EEFSEC: variants seen among roughly 807,000 people sequenced by gnomAD.
EEFSEC encodes selenocysteine-specific elongation factor.
A neutral mutation model predicts 42.1 loss-of-function variants in EEFSEC; 43 were observed. The ratio of observed to expected loss-of-function variants is 1.02; its 90% confidence interval spans 0.80 to 1.32. EEFSEC has a LOEUF of 1.32. EEFSEC is among the 40% of genes most tolerant of loss of function. The pLI is 0.00. For synonymous variants in EEFSEC, 354 were observed against 339.1 expected (o/e 1.04, Z -0.48); for missense variants, 745 against 803.6 (o/e 0.93, Z 0.88).
At chr3:128,246,275 C>T (rs780785681) in intron 1 of EEFSEC, among the ~76,000 whole-genome samples, 1 of 151,964 alleles carries the variant, frequency 6.6e-6, no homozygotes, top group Non-Finnish European at 1.5e-5. Context: ...CAGTACTTAG[C>T]GATTATGACA....
chr3:128,359,280 T>G (rs899456304), intron 6 of EEFSEC, among the ~76,000 whole-genome samples: 4 of 152,050 alleles, frequency 2.6e-5, no homozygotes, highest in Non-Finnish European at 5.9e-5. Flanking sequence ...TTGGCAAAAG[T>G]GTGCTGAGCA....
chr3:128,380,101 C>T (rs1212362569), intron 6 of EEFSEC, among the ~76,000 whole-genome samples: 2 of 152,204 alleles, frequency 1.3e-5, no homozygotes, highest in South Asian at 2.1e-4. Flanking sequence ...AGAGCTCTGG[C>T]TGGACTCTAG....
At chr3:128,329,181 C>T (rs1269665458) in intron 4 of EEFSEC, among the ~76,000 whole-genome samples, 1 of 152,206 alleles carries the variant, frequency 6.6e-6, no homozygotes, top group East Asian at 1.9e-4. Context: ...TGCTGGGCAG[C>T]TTCCCTGGGG....
chr3:128,292,136 A>G (rs2066650471), intron 4 of EEFSEC, among the ~76,000 whole-genome samples: 1 of 152,074 alleles, frequency 6.6e-6, no homozygotes, highest in Non-Finnish European at 1.5e-5. Flanking sequence ...TGATTTTTGA[A>G]TGTCAGACCC....
In EEFSEC at chr3:128,153,716, A is replaced by C. The variant is rs1407889529; in HGVS notation, c.209A>C (p.Glu70Ala). 1.3e-6 allele frequency: 2 copies of C among 1,580,766 alleles called. No homozygotes were observed. Among genetic ancestry groups the C allele is most frequent in the Admixed American group, 3.4e-5 (2 of 58,012 alleles). The change falls in exon 1 of 7, where the codon GAG becomes GCG. Residue 70 changes from glutamate to alanine, a missense_variant. Glu to Ala is a moderately radical substitution (Grantham distance 107). Coordinates refer to ENST00000254730, the MANE Select transcript of EEFSEC (RefSeq NM_021937.5). ...GCGCGCCTGCGGTCGTCTTTGCCCG[A>C]GTTCCAGGCAGCGCCCGAGGCCGAG... Reference protein sequence around the residue: ...LPARLRSSLPEFQAAPEAEPE... With the variant: ...LPARLRSSLPAFQAAPEAEPE...
intron 6 of EEFSEC, among the ~76,000 whole-genome samples, chr3:128,378,780 G>A (rs762195748): frequency 3.9e-5 from 6 of 152,204 alleles, no homozygotes; most frequent in Non-Finnish European, 7.3e-5. Context: ...GTTGCTGGCT[G>A]TTCCCAGACA....
At chr3:128,392,098 G>A (rs1316928442) in intron 6 of EEFSEC, among the ~76,000 whole-genome samples, 1 of 152,218 alleles carries the variant, frequency 6.6e-6, no homozygotes, top group Admixed American at 6.5e-5. Context: ...TGTGTTCTGG[G>A]GTAGGGATCT....
chr3:128,408,120 G>T lies in EEFSEC; in HGVS notation c.1652G>T (p.Arg551Leu), dbSNP rs552584608. Residue 551 changes from arginine (R) to leucine (L), a missense_variant, in exon 7 of 7, where the codon CGG becomes CTG. Transcript: ENST00000254730. ...KKILTPALKK[R>L]ARAGRGEATR... ...ATCCTGACACCCGCCCTCAAGAAGC[G>T]GGCCCGGGCTGGCCGTGGGGAGGCC... 1.9e-6 allele frequency: 3 copies of T among 1,607,366 alleles called. No homozygotes were observed. In the Admixed American group the frequency reaches 5.1e-5, roughly 27 times the overall value.
chr3:128,397,170 AC>A (rs2067991050), intron 6 of EEFSEC, among the ~76,000 whole-genome samples: 1 of 151,932 alleles, frequency 6.6e-6, no homozygotes, highest in Non-Finnish European at 1.5e-5. Context: ...TTGATCCCAC[AC>A]CCTTGTCTCT....
At chr3:128,172,140 A>G (rs771277958) in intron 1 of EEFSEC, among the ~76,000 whole-genome samples, 2 of 152,232 alleles carry the variant, frequency 1.3e-5, no homozygotes, top group African/African-American at 2.4e-5. Context: ...ATTCCAGCCT[A>G]TGCAAGAATT....
intron 4 of EEFSEC, among the ~76,000 whole-genome samples, chr3:128,309,227 G>A (rs2066864658): frequency 6.6e-6 from 1 of 152,182 alleles, no homozygotes; most frequent in Non-Finnish European, 1.5e-5. Context: ...AGGAAGAGCT[G>A]ACAGAGACTC....
chr3:128,284,111 C>T (rs556763579), intron 4 of EEFSEC, among the ~76,000 whole-genome samples: 77 of 152,296 alleles, frequency 5.1e-4, no homozygotes, highest in African/African-American at 1.7e-3. Context: ...TGCTGTGGCA[C>T]CTCCAGCCCT....
chr3:128,156,850 A>T (rs1459958166), intron 1 of EEFSEC, among the ~76,000 whole-genome samples: 1 of 152,194 alleles, frequency 6.6e-6, no homozygotes, highest in African/African-American at 2.4e-5. Context: ...ATTAAAATTC[A>T]TCCAGCTAAT....
At chr3:128,271,090 C>T (rs1426392737) in intron 4 of EEFSEC, among the ~76,000 whole-genome samples, 1 of 152,174 alleles carries the variant, frequency 6.6e-6, no homozygotes, top group African/African-American at 2.4e-5. Flanking sequence ...TAATGAGTGA[C>T]CTGAGAGGGC....
intron 6 of EEFSEC, among the ~76,000 whole-genome samples, chr3:128,370,095 C>A (rs1449121283): frequency 6.6e-6 from 1 of 152,238 alleles, no homozygotes; most frequent in African/African-American, 2.4e-5. Flanking sequence ...AATAGTTTTA[C>A]AACACTGATG....
the EEFSEC span, among the ~76,000 whole-genome samples, chr3:128,419,618 A>C: frequency 0.019 from 2,928 of 152,266 alleles, 99 homozygotes; most frequent in African/African-American, 0.066. Flanking sequence ...TTTTGTTCAG[A>C]GACTGTATCT....
At chr3:128,350,495 G>A (rs897693615) in intron 5 of EEFSEC, among the ~76,000 whole-genome samples, 2 of 152,206 alleles carry the variant, frequency 1.3e-5, no homozygotes, top group Admixed American at 1.3e-4. Context: ...TGAAACAGAG[G>A]TTGAGAAGCT....
chr3:128,331,353 C>T (rs1173579034), intron 4 of EEFSEC, among the ~76,000 whole-genome samples: 4 of 74,534 alleles, frequency 5.4e-5, no homozygotes, highest in Admixed American at 4.3e-4. Flanking sequence ...TTCCTCAGTG[C>T]ATCTCCCCTC....
intron 1 of EEFSEC, among the ~76,000 whole-genome samples, chr3:128,165,690 G>C (rs1475822702): frequency 6.6e-6 from 1 of 152,172 alleles, no homozygotes; most frequent in Non-Finnish European, 1.5e-5. Context: ...ATATTTATTT[G>C]GTGCCATGCA....
Sources: allele counts gnomAD v4.1 joint callset (sites outside exome capture counted in the v4.1 genomes callset), GRCh38; gene constraint gnomAD v4.1.1; transcripts MANE v1.5; gene names NCBI Gene and HGNC (gene_info 2026-07-23, HGNC 2026-07-21).